DLC1: variants seen among roughly 807,000 people sequenced by gnomAD.
DLC1 encodes the protein DLC1 Rho GTPase activating protein, also known as rho GTPase-activating protein 7.
Under a neutral mutation model 140.3 loss-of-function variants are expected in DLC1, and 54 were observed. The observed-to-expected ratio is 0.38, with a 90% CI of 0.31 to 0.48. The LOEUF is 0.48. Among genes scored for constraint, DLC1 ranks in the 20% least tolerant of loss-of-function variants. The pLI, the probability that DLC1 is intolerant of heterozygous loss-of-function variation, is 0.96. For missense variants in DLC1, 2,536 were observed against 1,907.0 expected, an observed-to-expected ratio of 1.33 and a Z score of -6.14; for synonymous variants, 986 against 728.1, an observed-to-expected ratio of 1.35 and a Z score of -5.70.
chr8:13,466,015 G>C (rs1384075738), intron 2 of DLC1, among the ~76,000 whole-genome samples: 1 of 152,146 alleles, frequency 6.6e-6, no homozygotes, highest in Non-Finnish European at 1.5e-5. Flanking sequence ...TCCTCCCTAG[G>C]GGGCAGCTAG....
At chr8:13,527,195 A>G (rs759598661) in intron 1 of DLC1, among the ~76,000 whole-genome samples, 1 of 152,232 alleles carries the variant, frequency 6.6e-6, no homozygotes, top group Non-Finnish European at 1.5e-5. Context: ...GTTGAACAAC[A>G]GCTTTCATAA....
At chr8:13,421,420 C>T (rs1838316750) in intron 2 of DLC1, among the ~76,000 whole-genome samples, 1 of 152,036 alleles carries the variant, frequency 6.6e-6, no homozygotes, top group Non-Finnish European at 1.5e-5. Context: ...TCTTTAATAA[C>T]CATCTGCATA....
chr8:13,295,938 C>CT (rs34697767), intron 5 of DLC1, among the ~76,000 whole-genome samples: 8,869 of 52,998 alleles, frequency 0.17, 1,482 homozygotes, highest in Non-Finnish European at 0.2. Flanking sequence ...AGATAAGATT[C>CT]TTTGTTTTTT....
At chr8:13,096,960 T>C (rs944175114) in intron 10 of DLC1, among the ~76,000 whole-genome samples, 5 of 152,214 alleles carry the variant, frequency 3.3e-5, no homozygotes, top group African/African-American at 1.2e-4. Context: ...GAAACATTTC[T>C]CTGCTTGGCA....
chr8:13,094,923 C>G lies in DLC1; in HGVS notation c.3362G>C (p.Arg1121Pro). Reference sequence around the variant, plus strand: ...ATTCATCTGGCGCAGAGCCTGAATCCGGGACTTGACCCCCGATTTTCTGAA... The same window carrying G: ...ATTCATCTGGCGCAGAGCCTGAATCGGGGACTTGACCCCCGATTTTCTGAA... The part of the protein sequence containing the change: ...GLFRKSGVKS[R>P]IQALRQMNEG... Residue 1121 changes from arginine to proline, a missense_variant, in exon 12 of 18, where the codon CGG becomes CCG. Physicochemically the swap from Arg to Pro is moderately radical, Grantham distance 103 (BLOSUM62 -2). Transcript: ENST00000276297. The G allele has an allele frequency of 1.2e-6, 2 of 1,614,162 alleles. No individual in the cohort carries two copies. The highest frequency in any genetic ancestry group is 8.5e-7 in the Non-Finnish European group (1 of 1,180,026).
chr8:13,368,213 T>C (rs976123307), intron 4 of DLC1, among the ~76,000 whole-genome samples: 2 of 152,210 alleles, frequency 1.3e-5, no homozygotes, highest in Non-Finnish European at 2.9e-5. Flanking sequence ...ATTGAGAGAT[T>C]AATGTCTCAA....
At chr8:13,391,864 C>T (rs1243669741) in intron 4 of DLC1, among the ~76,000 whole-genome samples, 1 of 149,008 alleles carries the variant, frequency 6.7e-6, no homozygotes, top group East Asian at 2.0e-4. Flanking sequence ...TAATAAATAC[C>T]TTTAAAAAGT....
intron 4 of DLC1, among the ~76,000 whole-genome samples, chr8:13,354,400 C>T (rs899940910): frequency 2.0e-5 from 3 of 152,048 alleles, no homozygotes; most frequent in Non-Finnish European, 4.4e-5. Flanking sequence ...TTAGTTATTT[C>T]CAGGGCCTAA....
In DLC1 at chr8:13,099,608, AGGATGT is replaced by A; in HGVS notation, c.2723_2728del (p.Asp908_Leu910delinsVal). The A allele has an allele frequency of 6.2e-7, 1 of 1,614,194 alleles. No homozygotes were observed. The highest frequency in any genetic ancestry group is 8.5e-7 in the Non-Finnish European group (1 of 1,180,042). Reference sequence around the variant, plus strand: ...CCGCTGCATCCCCTTCACGTGGTAGAGGATGTCGTCCAGCTCGGGGAAGATGTCCTC... The same window carrying A: ...CCGCTGCATCCCCTTCACGTGGTAGACGTCCAGCTCGGGGAAGATGTCCTC... On this transcript the variant is annotated inframe_deletion, in exon 9 of 18. Coordinates refer to ENST00000276297, the MANE Select transcript of DLC1 (RefSeq NM_182643.3).
intron 2 of DLC1, among the ~76,000 whole-genome samples, chr8:13,495,600 T>C (rs1801464109): frequency 6.6e-6 from 1 of 152,168 alleles, no homozygotes; most frequent in Non-Finnish European, 1.5e-5. Flanking sequence ...CCCTATATAC[T>C]ACATATATAC....
chr8:13,505,161 T>C (rs1009840051), intron 1 of DLC1, among the ~76,000 whole-genome samples: 3 of 152,182 alleles, frequency 2.0e-5, no homozygotes, highest in Admixed American at 6.5e-5. Flanking sequence ...CTCCATAAGC[T>C]GTGGCTAATT....
chr8:13,171,393 C>G (rs1463177785), intron 5 of DLC1, among the ~76,000 whole-genome samples: 4 of 152,082 alleles, frequency 2.6e-5, no homozygotes, highest in African/African-American at 7.2e-5. Flanking sequence ...CTTCCTTTTA[C>G]TTATTTAGTG....
At chr8:13,161,328 G>GT (rs140570397) in intron 5 of DLC1, among the ~76,000 whole-genome samples, 16,110 of 151,668 alleles carry the variant, frequency 0.11, 1,153 homozygotes, top group Non-Finnish European at 0.16. Context: ...TCATTTGTGG[G>GT]TTTTTTTTGT....
intron 2 of DLC1, among the ~76,000 whole-genome samples, chr8:13,490,484 A>C (rs925058024): frequency 2.4e-4 from 36 of 152,150 alleles, no homozygotes; most frequent in African/African-American, 8.4e-4. Context: ...AGCCAGAAAA[A>C]CAGATCCTGT....
At chr8:13,571,587 G>A (rs1804654150) in intron 1 of DLC1, among the ~76,000 whole-genome samples, 1 of 152,172 alleles carries the variant, frequency 6.6e-6, no homozygotes, top group African/African-American at 2.4e-5. Flanking sequence ...CGTGTAACGT[G>A]TATGTGTATT....
Position 13,368,248 on chromosome 8 carries a change from C to T in DLC1, c.1314+25305G>A, listed in dbSNP as rs116183678. On this transcript the variant is annotated intron_variant, in intron 4 of 17. Transcript: ENST00000276297. ...AACTTGATAAAGGGCCCTCAGACAC[C>T]ATGTCTTCTATCTCCTAGGACAGTA... is the stretch of plus-strand genomic sequence containing the variant. Among the ~76,000 whole-genome samples the T allele has an allele frequency of 2.8e-3, 426 of 152,226 alleles. 3 individuals carry two copies. Among genetic ancestry groups the T allele is most frequent in the African/African-American group, 8.9e-3 (371 of 41,546 alleles).
In DLC1 at chr8:13,208,211, T is replaced by G. The variant is rs1374800473; in HGVS notation, c.1349-92554A>C. On this transcript the variant is annotated intron_variant, in intron 5 of 17. Coordinates refer to ENST00000276297, the MANE Select transcript of DLC1 (RefSeq NM_182643.3). ...TACTAAACTGTTTAAAACATCAGGATTTCATGAGGTTATATATGTATACTG... is the reference window on the plus strand; with the variant it reads ...TACTAAACTGTTTAAAACATCAGGAGTTCATGAGGTTATATATGTATACTG... Among the ~76,000 whole-genome samples, 3 of 152,268 alleles carry G rather than the reference T, an allele frequency of 2.0e-5. No homozygotes were observed. The East Asian group carries it at 5.8e-4, about 29-fold the overall frequency.
intron 2 of DLC1, among the ~76,000 whole-genome samples, chr8:13,412,314 T>G (rs1458820611): frequency 6.6e-6 from 1 of 152,188 alleles, no homozygotes; most frequent in Admixed American, 6.5e-5. Context: ...AAATAGAATT[T>G]TTTTCCCCTT....
intron 5 of DLC1, among the ~76,000 whole-genome samples, chr8:13,211,751 G>T (rs1827952889): frequency 6.6e-6 from 1 of 152,074 alleles, no homozygotes; most frequent in Admixed American, 6.6e-5. Flanking sequence ...CCTTGTAATT[G>T]AAATGATTTG....
Sources: gnomAD v4.1 joint callset for allele counts (sites outside exome capture counted in the v4.1 genomes callset) on GRCh38, gnomAD v4.1.1 for gene constraint, MANE v1.5 for transcripts, NCBI Gene and HGNC (gene_info 2026-07-23, HGNC 2026-07-21) for gene names.